PREP: variants seen among roughly 807,000 people sequenced by gnomAD.
PREP encodes the protein dJ355L5.1 (prolyl endopeptidase).
In PREP, 29 loss-of-function variants were observed where a neutral mutation model predicts 87.6. The observed-to-expected ratio is 0.33, with a 90% CI of 0.25 to 0.45. PREP has a LOEUF of 0.45. Among genes scored for constraint, PREP ranks in the 20% least tolerant of loss-of-function variants. PREP has a pLI of 1.00. For missense variants in PREP, 695 were observed against 886.5 expected, an observed-to-expected ratio of 0.78 and a Z score of 2.74; for synonymous variants, 337 against 328.6, an observed-to-expected ratio of 1.03 and a Z score of -0.28.
intron 10 of PREP, among the ~76,000 whole-genome samples, chr6:105,310,578 G>A (rs573658982): frequency 9.9e-5 from 15 of 152,158 alleles, no homozygotes; most frequent in African/African-American, 3.4e-4. Flanking sequence ...TTCCTGCTCT[G>A]CCTGGTGAGG....
At chr6:105,368,689 T>C (rs1772458238) in intron 6 of PREP, among the ~76,000 whole-genome samples, 1 of 152,228 alleles carries the variant, frequency 6.6e-6, no homozygotes, top group South Asian at 2.1e-4. Flanking sequence ...CCTCAAAGTA[T>C]TACTTTTAAT....
chr6:105,333,017 A>C (rs942629910), intron 8 of PREP, among the ~76,000 whole-genome samples: 5 of 152,242 alleles, frequency 3.3e-5, no homozygotes, highest in African/African-American at 1.2e-4. Flanking sequence ...TTATTACCAG[A>C]TATTAAGTAT....
At chr6:105,320,228 A>G (rs1770969832) in intron 10 of PREP, among the ~76,000 whole-genome samples, 1 of 152,268 alleles carries the variant, frequency 6.6e-6, no homozygotes, top group Non-Finnish European at 1.5e-5. Flanking sequence ...TGCAGATTTG[A>G]TAAACCTATC....
rs549478412 is a variant in PREP at position 105,273,850 on chromosome 6, G to A, written c.*4294C>T. On this transcript the variant is annotated 3_prime_UTR_variant, in exon 15 of 15. Coordinates refer to ENST00000652536, the MANE Select transcript of PREP (RefSeq NM_002726.5). ...AAAGGCCTGGCTGGTTCCTGCCTCA[G>A]GCTCTGCCCATTGCTGCTGTCCTCA... is the stretch of plus-strand genomic sequence containing the variant. 1 of 153,422 alleles carries A rather than the reference G, an allele frequency of 6.5e-6. No individual in the cohort carries two copies. Among genetic ancestry groups the A allele is most frequent in the African/African-American group, 2.4e-5 (1 of 41,572 alleles). The allele number at this position is 153,422 out of a possible 1,614,324, so 9.5% of individuals were successfully genotyped here.
intron 10 of PREP, among the ~76,000 whole-genome samples, chr6:105,312,270 TATGTATACAA>T (rs1421267780): frequency 6.6e-6 from 1 of 152,158 alleles, no homozygotes; most frequent in Non-Finnish European, 1.5e-5. Flanking sequence ...TATACAGGCA[TATGTATACAA>T]ATGTACACAC....
rs562163551 is a variant in PREP, at chr6:105,277,830, A to G, written c.*314T>C. 2 of 362,648 alleles carry G rather than the reference A, an allele frequency of 5.5e-6. No individual in the cohort carries two copies. Among genetic ancestry groups the G allele is most frequent in the South Asian group, 4.2e-5 (1 of 23,690 alleles). 22.5% of individuals were successfully genotyped at this position (362,648 alleles called of 1,614,324 possible). On this transcript the variant is annotated 3_prime_UTR_variant, in exon 15 of 15. Coordinates refer to ENST00000652536, the MANE Select transcript of PREP (RefSeq NM_002726.5). Reference sequence around the variant, plus strand: ...TGGATATAGATAAGTATGCCCGACTATGATCCTTAATTCAGCAATCTAATA... The same window carrying G: ...TGGATATAGATAAGTATGCCCGACTGTGATCCTTAATTCAGCAATCTAATA...
At chr6:105,343,677 T>TA (rs1771720424) in intron 7 of PREP, among the ~76,000 whole-genome samples, 1 of 120,326 alleles carries the variant, frequency 8.3e-6, no homozygotes, top group African/African-American at 5.8e-5. Context: ...AAATTTACAA[T>TA]AAAAAAATCA....
At chr6:105,320,843 A>G (rs1383085729) in intron 10 of PREP, among the ~76,000 whole-genome samples, 1 of 152,222 alleles carries the variant, frequency 6.6e-6, no homozygotes, top group African/African-American at 2.4e-5. Flanking sequence ...CTTCTATTAC[A>G]CACCTTTAGG....
intron 10 of PREP, among the ~76,000 whole-genome samples, chr6:105,290,363 C>T (rs770042737): frequency 3.9e-5 from 6 of 152,168 alleles, no homozygotes; most frequent in African/African-American, 2.4e-5. Flanking sequence ...GAGGCAACAG[C>T]ATCAATGAGC....
rs541982562 is a variant in PREP, at chr6:105,378,173, T to C, written c.121-654A>G. ...CAACCAAAGAACATTGAAAAAACATTGGAGGCCAGGTGCAGTGACTCATGC... is the reference window on the plus strand; with the variant it reads ...CAACCAAAGAACATTGAAAAAACATCGGAGGCCAGGTGCAGTGACTCATGC... On this transcript the variant is annotated intron_variant, in intron 2 of 14. Coordinates refer to ENST00000652536, the MANE Select transcript of PREP (RefSeq NM_002726.5). Among the ~76,000 whole-genome samples, 3 of 152,346 alleles carry C rather than the reference T, an allele frequency of 2.0e-5. No homozygotes were observed. In the South Asian group the frequency reaches 6.2e-4, roughly 32 times the overall value.
chr6:105,309,695 T>G (rs1770722582), intron 10 of PREP, among the ~76,000 whole-genome samples: 1 of 152,142 alleles, frequency 6.6e-6, no homozygotes, highest in Non-Finnish European at 1.5e-5. Context: ...GTGCTTGGAT[T>G]CCCTGCACTG....
At position 105,294,890 on chromosome 6, in the gene PREP, G is replaced by A. The variant is rs142882497; in HGVS notation, c.1318-5996C>T. On this transcript the variant is annotated intron_variant, in intron 10 of 14. Coordinates refer to ENST00000652536, the MANE Select transcript of PREP (RefSeq NM_002726.5). ...TATATTCTCTCAGGCTGTCAGCATC[G>A]CTTGGGCTTTCCTTGCCCAGCTTGG... Among the ~76,000 whole-genome samples, 63 of 152,186 alleles carry A rather than the reference G, an allele frequency of 4.1e-4. 1 individual carries two copies. The East Asian group carries it at 9.3e-3, about 22-fold the overall frequency.
At chr6:105,318,211 A>G (rs1350375898) in intron 10 of PREP, among the ~76,000 whole-genome samples, 2 of 152,090 alleles carry the variant, frequency 1.3e-5, no homozygotes, top group Admixed American at 1.3e-4. Flanking sequence ...ATAAAACTAC[A>G]TCTCAAAACC....
chr6:105,293,434 A>G (rs987186742), intron 10 of PREP, among the ~76,000 whole-genome samples: 1 of 152,184 alleles, frequency 6.6e-6, no homozygotes, highest in African/African-American at 2.4e-5. Context: ...GTAACATTGA[A>G]GATCACTGAT....
At chr6:105,310,407 T>G (rs1421137906) in intron 10 of PREP, among the ~76,000 whole-genome samples, 1 of 152,284 alleles carries the variant, frequency 6.6e-6, no homozygotes, top group Non-Finnish European at 1.5e-5. Flanking sequence ...ATACACCCTG[T>G]TCAGCCCTCA....
chr6:105,294,778 G>A lies in PREP; in HGVS notation c.1318-5884C>T, dbSNP rs1277785383. ...ACAACCCACCTTGTAGCTCCAACTT[G>A]CTCTTTCGCCACTTCTGTCATTTCC... On this transcript the variant is annotated intron_variant, in intron 10 of 14. Coordinates refer to ENST00000652536, the MANE Select transcript of PREP (RefSeq NM_002726.5). Among the ~76,000 whole-genome samples the A allele has an allele frequency of 3.3e-5, 5 of 152,156 alleles. No homozygotes were observed. In the East Asian group the frequency reaches 9.6e-4, roughly 29 times the overall value.
chr6:105,339,792 T>C (rs1046420358), intron 7 of PREP, among the ~76,000 whole-genome samples: 12 of 152,192 alleles, frequency 7.9e-5, no homozygotes, highest in East Asian at 3.9e-4. Context: ...GTATCAGTGA[T>C]TGAAGATCAA....
intron 10 of PREP, among the ~76,000 whole-genome samples, chr6:105,291,608 T>G (rs1011318394): frequency 1.3e-5 from 2 of 152,300 alleles, no homozygotes; most frequent in Non-Finnish European, 2.9e-5. Context: ...CCCTCAAACA[T>G]CGGACTCCAG....
chr6:105,296,853 T>C (rs1562190402), intron 10 of PREP, among the ~76,000 whole-genome samples: 1 of 152,222 alleles, frequency 6.6e-6, no homozygotes, highest in African/African-American at 2.4e-5. Flanking sequence ...GCTGTCTCTT[T>C]TCAAGTTCCC....
Sources: gnomAD v4.1 joint callset for allele counts (sites outside exome capture counted in the v4.1 genomes callset) on GRCh38, gnomAD v4.1.1 for gene constraint, MANE v1.5 for transcripts, NCBI Gene and HGNC (gene_info 2026-07-23, HGNC 2026-07-21) for gene names.